The following CMTM7 variants were observed in gnomAD, a reference collection of about 807,000 sequenced individuals.
CMTM7 encodes the protein CKLF like MARVEL transmembrane domain containing 7.
A neutral mutation model predicts 19.3 loss-of-function variants in CMTM7; 7 were observed. That is an observed-to-expected ratio of 0.36 (90% CI 0.21 to 0.68). CMTM7 has a LOEUF of 0.68. Ranked by LOEUF, CMTM7 falls within the 30% of genes least tolerant of loss-of-function variation. CMTM7 has a pLI of 0.60. For missense variants in CMTM7, 193 were observed against 232.6 expected (o/e 0.83, Z 1.11); for synonymous variants, 87 against 99.3 (o/e 0.88, Z 0.74).
At chr3:32,438,810 A>T (rs1411024991) in intron 1 of CMTM7, among the ~76,000 whole-genome samples, 1 of 152,348 alleles carries the variant, frequency 6.6e-6, no homozygotes, top group East Asian at 1.9e-4. Context: ...TGACCTGCAC[A>T]GGCCCCTTTT....
chr3:32,404,369 C>T (rs1333325318), intron 1 of CMTM7, among the ~76,000 whole-genome samples: 2 of 152,006 alleles, frequency 1.3e-5, no homozygotes, highest in Admixed American at 1.3e-4. Flanking sequence ...CCATGTTGGC[C>T]AGGCTGGGCT....
At chr3:32,398,484 C>T (rs62250548) in intron 1 of CMTM7, among the ~76,000 whole-genome samples, 29,998 of 151,856 alleles carry the variant, frequency 0.2, 3,319 homozygotes, top group Non-Finnish European at 0.26. Context: ...CAGATGAGCC[C>T]CTGCCTCTTT....
At position 32,449,634 on chromosome 3, in the gene CMTM7, T is replaced by C; in HGVS notation, c.432+82T>C. 1.8e-6 allele frequency: 2 copies of C among 1,120,828 alleles called. No individual in the cohort carries two copies. Among genetic ancestry groups the C allele is most frequent in the Non-Finnish European group, 2.7e-6 (2 of 732,094 alleles). 69.4% of individuals were successfully genotyped at this position (1,120,828 alleles called of 1,614,324 possible). ...CTTCCTGATGGGGGAAGAGAAGGGCTTGGTTTCTGGGGCATTCCCTTCATA... is the reference window on the plus strand; with the variant it reads ...CTTCCTGATGGGGGAAGAGAAGGGCCTGGTTTCTGGGGCATTCCCTTCATA... On this transcript the variant is annotated intron_variant, in intron 3 of 4. Coordinates refer to ENST00000334983, the MANE Select transcript of CMTM7 (RefSeq NM_138410.4). The surrounding 1 kb of genome is among the most constrained non-coding windows in gnomAD (Gnocchi z 4.5).
intron 1 of CMTM7, among the ~76,000 whole-genome samples, chr3:32,408,316 T>C (rs1343477429): frequency 6.6e-6 from 1 of 152,228 alleles, no homozygotes; most frequent in Non-Finnish European, 1.5e-5. Flanking sequence ...CAATTAAATA[T>C]TTTCCATTAC....
intron 1 of CMTM7, among the ~76,000 whole-genome samples, chr3:32,432,914 G>A (rs1355597723): frequency 6.6e-6 from 1 of 152,060 alleles, no homozygotes; most frequent in Non-Finnish European, 1.5e-5. Context: ...ACTCCTCCAG[G>A]GATTTTCTTG....
At chr3:32,412,817 T>G (rs1398137060) in intron 1 of CMTM7, among the ~76,000 whole-genome samples, 2 of 152,208 alleles carry the variant, frequency 1.3e-5, no homozygotes, top group Non-Finnish European at 2.9e-5. Context: ...TAATAGATTC[T>G]GCTTTGTTGC....
At chr3:32,417,600 G>A (rs544446587) in intron 1 of CMTM7, among the ~76,000 whole-genome samples, 18 of 152,242 alleles carry the variant, frequency 1.2e-4, no homozygotes, top group African/African-American at 3.4e-4. Flanking sequence ...TTGTTGGGTC[G>A]TACGTTAAGT....
rs1163220040 is a variant in CMTM7 at position 32,404,154 on chromosome 3, TTTTTTTTC to T, written c.159+12097_159+12104del. 6.5e-3 allele frequency among the ~76,000 whole-genome samples: 460 copies of T among 71,022 alleles called. 3 individuals are homozygous for T. The highest frequency in any genetic ancestry group is 0.014 in the African/African-American group (425 of 29,846). The allele number at this position is 71,022 out of a possible 152,430, so 46.6% of individuals were successfully genotyped here. ...CTTTTCTTTCTTTCTTTTTTTTTCT[TTTTTTTTC>T]TTTTTTTTTTTTTTTGGAGACAGAG... On this transcript the variant is annotated intron_variant, in intron 1 of 4. Coordinates refer to ENST00000334983, the MANE Select transcript of CMTM7 (RefSeq NM_138410.4).
chr3:32,410,592 T>G (rs1049820282), intron 1 of CMTM7, among the ~76,000 whole-genome samples: 10 of 151,810 alleles, frequency 6.6e-5, no homozygotes, highest in Non-Finnish European at 2.9e-5. Flanking sequence ...GCACATATCT[T>G]CAAGCCTGCG....
chr3:32,435,627 T>C (rs144519094), intron 1 of CMTM7, among the ~76,000 whole-genome samples: 24 of 152,178 alleles, frequency 1.6e-4, no homozygotes, highest in Non-Finnish European at 3.4e-4. Flanking sequence ...AAGGCTGGCA[T>C]CTCGTAGGTA....
chr3:32,422,946 A>T (rs1293809029), intron 1 of CMTM7, among the ~76,000 whole-genome samples: 1 of 152,190 alleles, frequency 6.6e-6, no homozygotes, highest in Non-Finnish European at 1.5e-5. Flanking sequence ...CTTCCATACC[A>T]TTGTAAAGTT....
rs1575111647 is a variant in CMTM7, at chr3:32,410,380, G to A, written c.159+18315G>A. On this transcript the variant is annotated intron_variant, in intron 1 of 4. Coordinates refer to ENST00000334983, the MANE Select transcript of CMTM7 (RefSeq NM_138410.4). ...ATCATCTTTTTTCAAATGAACACAT[G>A]CATATTTTCTTTGACAAAGCCTTTG... Among the ~76,000 whole-genome samples the A allele has an allele frequency of 3.3e-5, 5 of 152,220 alleles. No individual in the cohort carries two copies. The South Asian group carries it at 1.0e-3, about 31-fold the overall frequency.
At chr3:32,424,995 G>A (rs635787) in intron 1 of CMTM7, among the ~76,000 whole-genome samples, 59,247 of 151,948 alleles carry the variant, frequency 0.39, 12,676 homozygotes, top group South Asian at 0.5. Flanking sequence ...GGCAAAAAAC[G>A]TAGAAAAAAC....
chr3:32,452,726 T>C (rs1252142941), intron 4 of CMTM7, among the ~76,000 whole-genome samples: 1 of 151,730 alleles, frequency 6.6e-6, no homozygotes, highest in Non-Finnish European at 1.5e-5. Flanking sequence ...TTTCTCTTTC[T>C]TGCTTCCTTT....
intron 1 of CMTM7, among the ~76,000 whole-genome samples, chr3:32,438,309 G>T (rs1696627731): frequency 6.6e-6 from 1 of 152,224 alleles, no homozygotes; most frequent in Non-Finnish European, 1.5e-5. Flanking sequence ...TTAAGTTCAG[G>T]GGTACTTGTG....
In CMTM7 at chr3:32,391,874, C is replaced by G; in HGVS notation, c.-33C>G. ...CTGTATCTGGCCCCTGGGCAGCTGC[C>G]CGGGGAGGCGGCCAGCGAGCTGGGG... is the stretch of plus-strand genomic sequence containing the variant. On this transcript the variant is annotated 5_prime_UTR_variant, in exon 1 of 5. Coordinates refer to ENST00000334983, the MANE Select transcript of CMTM7 (RefSeq NM_138410.4). 2 of 1,203,666 alleles carry G rather than the reference C, an allele frequency of 1.7e-6. No homozygotes were observed. 74.6% of individuals were successfully genotyped at this position (1,203,666 alleles called of 1,614,324 possible). A position where few individuals can be genotyped will look rare whatever the true frequency, so the allele number is the denominator to read the frequency against.
chr3:32,415,134 C>G (rs1696240759), intron 1 of CMTM7, among the ~76,000 whole-genome samples: 1 of 152,082 alleles, frequency 6.6e-6, no homozygotes, highest in African/African-American at 2.4e-5. Flanking sequence ...AAAAACTCCT[C>G]TGGCTGACGA....
chr3:32,442,498 C>CAAAAAAAAAAAAAA (rs59568281), intron 2 of CMTM7, among the ~76,000 whole-genome samples: 10 of 80,048 alleles, frequency 1.2e-4, no homozygotes, highest in African/African-American at 4.9e-4. Context: ...AGACTCCTCT[C>CAAAAAAAAAAAAAA]AAAAAAAAAA....
At chr3:32,425,309 C>T (rs774242072) in intron 1 of CMTM7, among the ~76,000 whole-genome samples, 42 of 152,064 alleles carry the variant, frequency 2.8e-4, no homozygotes, top group Non-Finnish European at 5.3e-4. Flanking sequence ...TAGATCCTGC[C>T]CCACTCCTGC....
Sources: allele counts gnomAD v4.1 joint callset (sites outside exome capture counted in the v4.1 genomes callset), GRCh38; gene constraint gnomAD v4.1.1; non-coding constraint Gnocchi (gnomAD v3.1); transcripts MANE v1.5; gene names NCBI Gene and HGNC (gene_info 2026-07-23, HGNC 2026-07-21).